SLC39A11: variants seen among roughly 807,000 people sequenced by gnomAD.
SLC39A11 encodes the protein zinc transporter ZIP11.
Under a neutral mutation model 36.1 loss-of-function variants are expected in SLC39A11, and 33 were observed. The observed-to-expected ratio is 0.91, with a 90% CI of 0.69 to 1.22. The LOEUF (loss-of-function observed/expected upper bound fraction) is 1.22, where lower values mean the gene tolerates loss of function less well. SLC39A11 is among the 50% of genes most tolerant of loss of function. SLC39A11 has a pLI of 0.00. For missense variants in SLC39A11, 432 were observed against 430.3 expected, an observed-to-expected ratio of 1.00 and a Z score of -0.03; for synonymous variants, 166 against 170.3, an observed-to-expected ratio of 0.97 and a Z score of 0.20.
chr17:73,083,162 C>T (rs1351330618), intron 3 of SLC39A11, among the ~76,000 whole-genome samples: 1 of 152,076 alleles, frequency 6.6e-6, no homozygotes, highest in East Asian at 1.9e-4. Context: ...AAGGCAAGAG[C>T]ATCTTTCTTG....
At chr17:73,058,134 CTT>C (rs1181980049) in intron 3 of SLC39A11, among the ~76,000 whole-genome samples, 1 of 150,012 alleles carries the variant, frequency 6.7e-6, no homozygotes, top group Non-Finnish European at 1.5e-5. Context: ...CAAGACTTAA[CTT>C]TGTTTCACAG....
intron 4 of SLC39A11, among the ~76,000 whole-genome samples, chr17:73,016,464 G>T (rs1413784161): frequency 6.6e-6 from 1 of 151,994 alleles, no homozygotes; most frequent in Non-Finnish European, 1.5e-5. Context: ...CTCCCGAGTA[G>T]CTGGGATTAC....
At chr17:72,718,916 C>T (rs912426315) in intron 7 of SLC39A11, among the ~76,000 whole-genome samples, 17 of 152,036 alleles carry the variant, frequency 1.1e-4, no homozygotes, top group Non-Finnish European at 2.2e-4. Flanking sequence ...AGGCATGAGC[C>T]ACCATGCCTG....
At chr17:72,881,176 ACAT>A (rs1479193404) in intron 5 of SLC39A11, among the ~76,000 whole-genome samples, 3 of 152,132 alleles carry the variant, frequency 2.0e-5, no homozygotes, top group Non-Finnish European at 4.4e-5. Flanking sequence ...CCCAAAAATG[ACAT>A]CATATGTCCA....
chr17:72,657,152 G>A (rs1598243758), intron 7 of SLC39A11, among the ~76,000 whole-genome samples: 1 of 152,164 alleles, frequency 6.6e-6, no homozygotes, highest in Middle Eastern at 3.4e-3. Context: ...ATGAGGTCAG[G>A]AGTTCAAGAC....
chr17:72,845,934 C>T (rs772220860), intron 6 of SLC39A11, among the ~76,000 whole-genome samples: 30 of 150,098 alleles, frequency 2.0e-4, no homozygotes, highest in African/African-American at 2.5e-4. Flanking sequence ...ATTTTTGAGA[C>T]GGAGTCTCGC....
chr17:72,665,597 C>T (rs1203341795), intron 7 of SLC39A11, among the ~76,000 whole-genome samples: 6 of 151,632 alleles, frequency 4.0e-5, no homozygotes, highest in Admixed American at 2.0e-4. Context: ...TATATTTCCC[C>T]GGCTTGTCTT....
At chr17:72,999,701 A>G (rs1336365864) in intron 4 of SLC39A11, among the ~76,000 whole-genome samples, 1 of 151,960 alleles carries the variant, frequency 6.6e-6, no homozygotes, top group Non-Finnish European at 1.5e-5. Flanking sequence ...AGGGCTGCAG[A>G]TGGTTTTCTT....
At chr17:72,731,427 T>C (rs749573973) in intron 7 of SLC39A11, among the ~76,000 whole-genome samples, 8 of 152,188 alleles carry the variant, frequency 5.3e-5, no homozygotes, top group Non-Finnish European at 1.2e-4. Flanking sequence ...GGAGGTGATT[T>C]GATCATGGGG....
chr17:72,820,655 G>C (rs1050800494), intron 6 of SLC39A11, among the ~76,000 whole-genome samples: 6 of 151,356 alleles, frequency 4.0e-5, no homozygotes, highest in Non-Finnish European at 8.9e-5. Context: ...GGGAGCCAGA[G>C]TGCTGGGGAC....
chr17:72,646,112 T>C lies in SLC39A11; in HGVS notation c.*1472A>G, dbSNP rs2069550541. 1 of 152,682 alleles carries C rather than the reference T, an allele frequency of 6.5e-6. No individual in the cohort carries two copies. Among genetic ancestry groups the C allele is most frequent in the African/African-American group, 2.4e-5 (1 of 41,470 alleles). 9.5% of individuals were successfully genotyped at this position (152,682 alleles called of 1,614,324 possible). ...TCTCAACCAATCAAACCTCTGAATG[T>C]GTCTTCAATTTTGATCATCAGTGCT... On this transcript the variant is annotated 3_prime_UTR_variant, in exon 10 of 10. Coordinates refer to ENST00000255559, the MANE Select transcript of SLC39A11 (RefSeq NM_139177.4).
intron 4 of SLC39A11, among the ~76,000 whole-genome samples, chr17:72,963,172 T>TC (rs1383559684): frequency 2.1e-5 from 3 of 139,580 alleles, no homozygotes; most frequent in African/African-American, 8.1e-5. Flanking sequence ...TTCCTTTCTT[T>TC]TTTTTTTTTT....
At chr17:72,789,280 G>T (rs140613762) in intron 6 of SLC39A11, among the ~76,000 whole-genome samples, 1 of 152,078 alleles carries the variant, frequency 6.6e-6, no homozygotes, top group African/African-American at 2.4e-5. Context: ...TGATCCGCCC[G>T]CCTAGGCCTC....
chr17:72,711,046 T>C (rs887643432), intron 7 of SLC39A11, among the ~76,000 whole-genome samples: 2 of 152,240 alleles, frequency 1.3e-5, no homozygotes, highest in Admixed American at 6.5e-5. Context: ...TCATACAGCA[T>C]GCAAGGCCTC....
intron 6 of SLC39A11, among the ~76,000 whole-genome samples, chr17:72,801,749 G>A (rs1428840013): frequency 1.3e-5 from 2 of 152,120 alleles, no homozygotes; most frequent in African/African-American, 4.8e-5. Context: ...CTTTTAGGGT[G>A]ATAAAAGTTC....
Position 72,928,042 on chromosome 17 carries a change from C to CA in SLC39A11, c.430+19709dup, listed in dbSNP as rs1322091042. Among the ~76,000 whole-genome samples the CA allele has an allele frequency of 6.8e-4, 102 of 150,716 alleles. 1 individual carries two copies. Among genetic ancestry groups the CA allele is most frequent in the Middle Eastern group, 3.4e-3 (1 of 290 alleles). On this transcript the variant is annotated intron_variant, in intron 5 of 9. Transcript: ENST00000255559. ...TGTGCTCAAATAACACTGATTGCTC[C>CA]AAAAAAAAAGATAAAATTCCTACAA...
intron 6 of SLC39A11, among the ~76,000 whole-genome samples, chr17:72,826,703 T>C (rs2078043760): frequency 2.0e-5 from 3 of 152,166 alleles, no homozygotes. Flanking sequence ...AGAACTACTA[T>C]TGTGGACACT....
chr17:73,047,990 A>AAAAAATATATATAT (rs1555693446), intron 3 of SLC39A11, among the ~76,000 whole-genome samples: 1 of 58,700 alleles, frequency 1.7e-5, no homozygotes, highest in African/African-American at 6.6e-5. Flanking sequence ...AAAAAAAAAA[A>AAAAAATATATATAT]ATATATATAT....
chr17:73,036,067 G>T (rs2058902807), intron 3 of SLC39A11, among the ~76,000 whole-genome samples: 2 of 152,130 alleles, frequency 1.3e-5, no homozygotes, highest in African/African-American at 4.8e-5. Flanking sequence ...TCCTCCAAGA[G>T]GAACCCAGCC....
Sources: allele counts gnomAD v4.1 joint callset (sites outside exome capture counted in the v4.1 genomes callset), GRCh38; gene constraint gnomAD v4.1.1; transcripts MANE v1.5; gene names NCBI Gene and HGNC (gene_info 2026-07-23, HGNC 2026-07-21).